Variants in SORCS2 observed in about 807,000 individuals in gnomAD.
SORCS2 encodes the protein sortilin related VPS10 domain containing receptor 2.
A neutral mutation model predicts 141.6 loss-of-function variants in SORCS2; 100 were observed. That is an observed-to-expected ratio of 0.71 (90% CI 0.60 to 0.83). The LOEUF is 0.83. SORCS2 is among the 40% of genes least tolerant of loss of function. The pLI, the probability that SORCS2 is intolerant of heterozygous loss-of-function variation, is 0.00. For missense variants in SORCS2, 1,646 were observed against 1,560.2 expected (o/e 1.05, Z -0.93); for synonymous variants, 789 against 676.9 (o/e 1.17, Z -2.57).
At chr4:7,382,249 G>A (rs1236801299) in intron 1 of SORCS2, among the ~76,000 whole-genome samples, 1 of 152,206 alleles carries the variant, frequency 6.6e-6, no homozygotes, top group Non-Finnish European at 1.5e-5. Context: ...TGACCACAGG[G>A]ATGGGGTTTG....
chr4:7,734,146 AGGGGACAAGCTGGGGATGGGCG>A (rs1346042026), intron 24 of SORCS2, 104 bp from the exon 25 acceptor site: 29 of 547,128 alleles, frequency 5.3e-5, no homozygotes, highest in African/African-American at 7.0e-5. Context: ...AGGGACAGGC[AGGGGACAAGCTGGGGATGGGCG>A]GGGGACAGGC....
chr4:7,729,925 C>T (rs992035616), intron 23 of SORCS2, among the ~76,000 whole-genome samples: 6 of 152,036 alleles, frequency 3.9e-5, no homozygotes, highest in East Asian at 3.9e-4. Flanking sequence ...CAGAGGTAGT[C>T]GGGGGGAGGG....
At chr4:7,204,882 A>G (rs1727652030) in intron 1 of SORCS2, among the ~76,000 whole-genome samples, 2 of 152,220 alleles carry the variant, frequency 1.3e-5, no homozygotes, top group South Asian at 2.1e-4. Context: ...TCCCGGAGGC[A>G]TTGCTCGGCG....
At chr4:7,686,644 CGGGTT>C (rs1723893641) in intron 10 of SORCS2, among the ~76,000 whole-genome samples, 1 of 152,212 alleles carries the variant, frequency 6.6e-6, no homozygotes, top group African/African-American at 2.4e-5. Context: ...GCACCCAAGG[CGGGTT>C]CTGGGGCTCC....
At chr4:7,523,800 C>G (rs1280562558) in intron 2 of SORCS2, among the ~76,000 whole-genome samples, 3 of 152,152 alleles carry the variant, frequency 2.0e-5, no homozygotes, top group Non-Finnish European at 4.4e-5. Context: ...CACTGGGGGT[C>G]ACACAGGCCC....
intron 1 of SORCS2, among the ~76,000 whole-genome samples, chr4:7,388,739 G>C (rs1295226437): frequency 6.6e-6 from 1 of 152,192 alleles, no homozygotes; most frequent in African/African-American, 2.4e-5. Context: ...GAACGTAAGA[G>C]TGGGCACGGG....
chr4:7,724,133 G>GTGA (rs879471977), intron 19 of SORCS2, among the ~76,000 whole-genome samples: 6,329 of 142,098 alleles, frequency 0.045, 158 homozygotes, highest in East Asian at 0.11. Flanking sequence ...GGTGGTGGTG[G>GTGA]TGGTGGTGAT....
At chr4:7,502,955 G>T (rs1455909669) in intron 2 of SORCS2, among the ~76,000 whole-genome samples, 1 of 152,210 alleles carries the variant, frequency 6.6e-6, no homozygotes, top group Admixed American at 6.5e-5. Flanking sequence ...TTAAGAATCT[G>T]TCTACTCCTT....
At chr4:7,392,904 G>C (rs920818476) in intron 1 of SORCS2, among the ~76,000 whole-genome samples, 4 of 146,642 alleles carry the variant, frequency 2.7e-5, no homozygotes, top group South Asian at 2.1e-4. Context: ...CAGTCGGGGG[G>C]GGGGGGGTGC....
At chr4:7,404,571 G>A (rs1724848773) in intron 2 of SORCS2, among the ~76,000 whole-genome samples, 1 of 152,024 alleles carries the variant, frequency 6.6e-6, no homozygotes, top group South Asian at 2.1e-4. Context: ...ATATCTTATT[G>A]TGGATCTAAT....
intron 1 of SORCS2, among the ~76,000 whole-genome samples, chr4:7,245,905 A>G (rs1713048369): frequency 6.6e-6 from 1 of 152,228 alleles, no homozygotes; most frequent in South Asian, 2.1e-4. Context: ...AGGGTTGCCC[A>G]GCTGGGCTCA....
chr4:7,547,399 CT>C (rs1713344307), intron 3 of SORCS2, among the ~76,000 whole-genome samples: 1 of 152,232 alleles, frequency 6.6e-6, no homozygotes, highest in African/African-American at 2.4e-5. Context: ...TACTTGGAGC[CT>C]TTTGCCAGCC....
chr4:7,470,389 C>T (rs1218203196), intron 2 of SORCS2, among the ~76,000 whole-genome samples: 1 of 151,620 alleles, frequency 6.6e-6, no homozygotes, highest in Admixed American at 6.6e-5. Context: ...ATCCATCTAT[C>T]CTTCCATCCA....
At chr4:7,373,107 G>T (rs61377484) in intron 1 of SORCS2, among the ~76,000 whole-genome samples, 1 of 150,762 alleles carries the variant, frequency 6.6e-6, no homozygotes, top group South Asian at 2.1e-4. Context: ...ATACGTAGCC[G>T]TGACATGGCT....
At chr4:7,637,208 C>G (rs1175494465) in intron 3 of SORCS2, among the ~76,000 whole-genome samples, 1 of 152,202 alleles carries the variant, frequency 6.6e-6, no homozygotes, top group Non-Finnish European at 1.5e-5. Context: ...TTTGGGGTCA[C>G]TAAACAACCC....
At chr4:7,198,426 A>G (rs1358325236) in intron 1 of SORCS2, among the ~76,000 whole-genome samples, 3 of 152,148 alleles carry the variant, frequency 2.0e-5, no homozygotes, top group Non-Finnish European at 4.4e-5. Flanking sequence ...GGGGTTTTGT[A>G]TTTAAGTATG....
rs1577147217 is a variant in SORCS2 at position 7,741,852 on chromosome 4, G to GA, written c.*1591dup. 2 of 152,328 alleles carry GA rather than the reference G, an allele frequency of 1.3e-5. No homozygotes were observed. The highest frequency in any genetic ancestry group is 3.9e-4 in the East Asian group (2 of 5,166). The allele number at this position is 152,328 out of a possible 1,614,324, so 9.4% of individuals were successfully genotyped here. On this transcript the variant is annotated 3_prime_UTR_variant, in exon 27 of 27. Coordinates refer to ENST00000507866, the MANE Select transcript of SORCS2 (RefSeq NM_020777.3). ...AAAAGAAACATGGTCCATTAGAGGG[G>GA]AAAGCCCAGGGGTGAATCTTCACGC...
chr4:7,464,635 A>T (rs1174994899), intron 2 of SORCS2, among the ~76,000 whole-genome samples: 1 of 152,222 alleles, frequency 6.6e-6, no homozygotes, highest in Non-Finnish European at 1.5e-5. Flanking sequence ...GTACCCATTC[A>T]AAGGTAGGAC....
chr4:7,232,357 C>T (rs1161916681), intron 1 of SORCS2, among the ~76,000 whole-genome samples: 2 of 152,170 alleles, frequency 1.3e-5, no homozygotes, highest in African/African-American at 4.8e-5. Flanking sequence ...CCTGTGGGCT[C>T]TGCTCCTGGT....
Sources: gnomAD v4.1 joint callset for allele counts (sites outside exome capture counted in the v4.1 genomes callset) on GRCh38, gnomAD v4.1.1 for gene constraint, MANE v1.5 for transcripts, NCBI Gene and HGNC (gene_info 2026-07-23, HGNC 2026-07-21) for gene names.